Variants in DHX15 observed in about 807,000 individuals in gnomAD.
The protein encoded by DHX15 is DEAH-box helicase 15, also known as ATP-dependent RNA helicase DHX15.
A neutral mutation model predicts 94.4 loss-of-function variants in DHX15; 11 were observed. The ratio of observed to expected loss-of-function variants is 0.12; its 90% CI spans 0.07 to 0.19. DHX15 has a LOEUF of 0.19. Among genes scored for constraint, DHX15 ranks in the 10% least tolerant of loss-of-function variants. DHX15 has a pLI of 1.00. For synonymous variants in DHX15, 338 were observed against 329.9 expected, an observed-to-expected ratio of 1.02 and a Z score of -0.27; for missense variants, 304 against 988.5, an observed-to-expected ratio of 0.31 and a Z score of 9.29.
chr4:24,573,643 T>C (rs774461455), intron 2 of DHX15, among the ~76,000 whole-genome samples: 40 of 152,280 alleles, frequency 2.6e-4, no homozygotes, highest in Non-Finnish European at 5.4e-4. Flanking sequence ...ATCATTCCTC[T>C]TCAATTCAAG....
intron 3 of DHX15, among the ~76,000 whole-genome samples, chr4:24,559,729 A>G (rs954207251): frequency 1.3e-5 from 2 of 152,276 alleles, no homozygotes; most frequent in Middle Eastern, 3.4e-3. Context: ...TAGGGCAGAG[A>G]TGCTCTTAAA....
At chr4:24,563,550 G>A (rs919378661) in intron 3 of DHX15, 2 of 152,178 alleles carry the variant, frequency 1.3e-5, no homozygotes, top group South Asian at 2.1e-4. Context: ...GGTAGAGTAA[G>A]TTGTTGATTC....
Position 24,532,852 on chromosome 4 carries a change from T to G in DHX15, c.2100+12A>C. ...GAATACTTAGTTATTCATTCCCATA[T>G]TATCTACATACCTGCATAAAATACC... On this transcript the variant is annotated intron_variant, in intron 12 of 13. Coordinates refer to ENST00000336812, the MANE Select transcript of DHX15 (RefSeq NM_001358.3). The G allele has an allele frequency of 1.3e-6, 2 of 1,559,040 alleles. No homozygotes were observed. The highest frequency in any genetic ancestry group is 1.4e-5 in the African/African-American group (1 of 72,930).
rs61031930 is a variant in DHX15, at chr4:24,574,205, C to CAAAAAAAAAA, written c.507+2028_507+2037dup. 6.8e-3 allele frequency among the ~76,000 whole-genome samples: 469 copies of CAAAAAAAAAA among 68,834 alleles called. 25 individuals carry two copies. The highest frequency in any genetic ancestry group is 8.8e-3 in the African/African-American group (161 of 18,308). 45.2% of individuals were successfully genotyped at this position (68,834 alleles called of 152,430 possible). A position where few individuals can be genotyped will look rare whatever the true frequency, so the allele number is the denominator to read the frequency against. ...TGGGTGACAGAGCGAGACTTTGTCTCAAAAAAAAAAAAAAAAAAAAAAAGT... is the reference window on the plus strand; with the variant it reads ...TGGGTGACAGAGCGAGACTTTGTCTCAAAAAAAAAAAAAAAAAAAAAAAAAAAAAAAAAGT... On this transcript the variant is annotated intron_variant, in intron 2 of 13. Coordinates refer to ENST00000336812, the MANE Select transcript of DHX15 (RefSeq NM_001358.3).
intron 4 of DHX15, 37 bp from the exon 5 acceptor site, chr4:24,554,980 A>T: frequency 6.5e-7 from 1 of 1,528,144 alleles, no homozygotes; most frequent in Non-Finnish European, 9.1e-7. Flanking sequence ...AGCTGTCTTC[A>T]AGGATTCTTA....
At chr4:24,568,653 T>A (rs575297110) in intron 3 of DHX15, among the ~76,000 whole-genome samples, 1 of 152,188 alleles carries the variant, frequency 6.6e-6, no homozygotes, top group Admixed American at 6.5e-5. Context: ...CTTTCTTGTA[T>A]CCCAATTTCC....
At position 24,584,252 on chromosome 4, in the gene DHX15, G is replaced by A. The variant is rs1024598366; in HGVS notation, c.71+71C>T. ...CTCCAGGACCCGCTCGGCCAGGCCA[G>A]CCCCGGCCCGCTCCCTGCCAGGACC... On this transcript the variant is annotated intron_variant, in intron 1 of 13. Coordinates refer to ENST00000336812, the MANE Select transcript of DHX15 (RefSeq NM_001358.3). 5 of 1,489,046 alleles carry A rather than the reference G, an allele frequency of 3.4e-6. No individual in the cohort carries two copies. In the Admixed American group the frequency reaches 7.6e-5, roughly 23 times the overall value. The allele number at this position is 1,489,046 out of a possible 1,614,324, so 92.2% of individuals were successfully genotyped here.
At chr4:24,544,587 A>G (rs1003680231) in intron 6 of DHX15, among the ~76,000 whole-genome samples, 7 of 152,236 alleles carry the variant, frequency 4.6e-5, no homozygotes, top group African/African-American at 1.2e-4. Flanking sequence ...TGAAACTTGA[A>G]TAAGCATAAC....
At chr4:24,555,994 T>C (rs554298535) in intron 4 of DHX15, among the ~76,000 whole-genome samples, 24 of 152,122 alleles carry the variant, frequency 1.6e-4, no homozygotes, top group Admixed American at 1.2e-3. Context: ...CAGTTACACA[T>C]ATATGTTATT....
chr4:24,572,988 G>A (rs1407944174), intron 2 of DHX15, among the ~76,000 whole-genome samples: 1 of 152,118 alleles, frequency 6.6e-6, no homozygotes, highest in Non-Finnish European at 1.5e-5. Flanking sequence ...TAGGCTTACT[G>A]CAACCTCCAC....
At chr4:24,528,994 CTAAAAA>C (rs909531568) in intron 13 of DHX15, among the ~76,000 whole-genome samples, 8 of 143,116 alleles carry the variant, frequency 5.6e-5, no homozygotes, top group African/African-American at 1.8e-4. Context: ...CAAAGAAACT[CTAAAAA>C]TTAAAAAAAT....
intron 3 of DHX15, among the ~76,000 whole-genome samples, chr4:24,562,008 G>A (rs1721883106): frequency 6.6e-6 from 1 of 151,846 alleles, no homozygotes; most frequent in African/African-American, 2.4e-5. Flanking sequence ...GCGTGCACCT[G>A]TAGCCCCAGC....
chr4:24,541,561 ACATCTAAAGAAAGAATG>A (rs1356382760), intron 8 of DHX15, among the ~76,000 whole-genome samples: 2 of 152,136 alleles, frequency 1.3e-5, no homozygotes, highest in Non-Finnish European at 2.9e-5. Flanking sequence ...CAAAAAAATC[ACATCTAAAGAAAGAATG>A]CATCTTCTAT....
In DHX15 at chr4:24,541,977, T is replaced by C. The variant is rs764951836; in HGVS notation, c.1381A>G (p.Ile461Val). The C allele has an allele frequency of 1.2e-6, 2 of 1,612,476 alleles. No individual in the cohort carries two copies. The highest frequency in any genetic ancestry group is 1.7e-6 in the Non-Finnish European group (2 of 1,178,940). Residue 461 changes from isoleucine (I) to valine (V), a missense_variant, in exon 8 of 14, where the codon ATT becomes GTT. This residue lies in a region of DHX15 where 10 missense variants were observed against 179.2 expected (regional missense o/e 0.06). Transcript: ENST00000336812. Reference sequence around the variant, plus strand: ...CTTTGCTGAGCTGAAGCTTTACTAATAGCTGTCACCAAAAGGGACTCAACT... The same window carrying C: ...CTTTGCTGAGCTGAAGCTTTACTAACAGCTGTCACCAAAAGGGACTCAACT... ...IRVESLLVTAISKASAQQRAG... is the reference protein window; with the variant it reads ...IRVESLLVTAVSKASAQQRAG...
chr4:24,575,255 C>T (rs1440042765), intron 2 of DHX15, among the ~76,000 whole-genome samples: 1 of 151,792 alleles, frequency 6.6e-6, no homozygotes, highest in African/African-American at 2.4e-5. Flanking sequence ...AAAATGTCTC[C>T]ATGCACATGT....
At chr4:24,569,705 A>G (rs1481072512) in intron 3 of DHX15, among the ~76,000 whole-genome samples, 3 of 152,040 alleles carry the variant, frequency 2.0e-5, no homozygotes, top group African/African-American at 7.2e-5. Context: ...CACTGCCTAC[A>G]CAACGCTCCA....
At chr4:24,567,405 C>T (rs1046179869) in intron 3 of DHX15, among the ~76,000 whole-genome samples, 17 of 151,988 alleles carry the variant, frequency 1.1e-4, no homozygotes, top group African/African-American at 3.1e-4. Context: ...GGTGAAACCC[C>T]GTCTCTACTA....
chr4:24,528,150 C>G (rs1720999892), intron 13 of DHX15, 109 bp from the exon 14 acceptor site: 1 of 678,532 alleles, frequency 1.5e-6, no homozygotes, highest in African/African-American at 1.8e-5. Context: ...CAAGGCAAAT[C>G]TATGAATTCA....
intron 6 of DHX15, among the ~76,000 whole-genome samples, chr4:24,546,914 A>G (rs1432533279): frequency 2.0e-5 from 3 of 151,764 alleles, no homozygotes; most frequent in Non-Finnish European, 4.4e-5. Context: ...TAACAAAAAA[A>G]TCAAATATTT....
Sources: allele counts gnomAD v4.1 joint callset (sites outside exome capture counted in the v4.1 genomes callset), GRCh38; gene constraint gnomAD v4.1.1; regional missense constraint gnomAD v4.1.1; transcripts MANE v1.5; gene names NCBI Gene and HGNC (gene_info 2026-07-23, HGNC 2026-07-21).